Variants in CBFB observed in about 807,000 individuals in gnomAD.
CBFB encodes CBF-beta.
CBFB carries 9 observed loss-of-function variants against 30.4 expected under a neutral mutation model. That is an observed-to-expected ratio of 0.30 (90% CI 0.18 to 0.52). The LOEUF (loss-of-function observed/expected upper bound fraction) is 0.52. CBFB is among the 20% of genes least tolerant of loss of function. The probability of loss-of-function intolerance (pLI) is 0.97; values close to 1 mark genes in which losing one functional copy is unlikely to be tolerated. For synonymous variants in CBFB, 94 were observed against 84.0 expected, an observed-to-expected ratio of 1.12 and a Z score of -0.65; for missense variants, 170 against 244.0, an observed-to-expected ratio of 0.70 and a Z score of 2.02.
intron 5 of CBFB, among the ~76,000 whole-genome samples, chr16:67,085,851 G>A (rs545119736): frequency 6.6e-6 from 1 of 150,528 alleles, no homozygotes; most frequent in Non-Finnish European, 1.5e-5. Context: ...CTAATTTTTT[G>A]TATTTTTTAG....
intron 4 of CBFB, among the ~76,000 whole-genome samples, chr16:67,079,467 C>T (rs1961494718): frequency 6.6e-6 from 1 of 150,394 alleles, no homozygotes; most frequent in Non-Finnish European, 1.5e-5. Flanking sequence ...GTACACAGTC[C>T]AGGCCTGGTA....
intron 3 of CBFB, among the ~76,000 whole-genome samples, chr16:67,058,290 G>A (rs946515690): frequency 3.3e-5 from 5 of 152,028 alleles, no homozygotes; most frequent in Non-Finnish European, 4.4e-5. Context: ...ACAGTTGTGC[G>A]CCACCATGTC....
At chr16:67,062,181 T>C (rs1364722284) in intron 3 of CBFB, among the ~76,000 whole-genome samples, 1 of 151,900 alleles carries the variant, frequency 6.6e-6, no homozygotes, top group African/African-American at 2.4e-5. Context: ...AAATTTTTTT[T>C]TTTTGAGACA....
intron 5 of CBFB, among the ~76,000 whole-genome samples, chr16:67,098,447 T>C (rs1316010404): frequency 6.6e-6 from 1 of 152,218 alleles, no homozygotes; most frequent in Non-Finnish European, 1.5e-5. Flanking sequence ...CTAGATTTGT[T>C]GTTATTTCTT....
At chr16:67,065,566 T>C (rs560908443) in intron 3 of CBFB, among the ~76,000 whole-genome samples, 2 of 152,234 alleles carry the variant, frequency 1.3e-5, no homozygotes, top group Non-Finnish European at 2.9e-5. Context: ...TTTTTAGAGG[T>C]GAGGTCTCTC....
rs148833321 is a variant in CBFB, at chr16:67,063,994, G to C, written c.283-2688G>C. ...CCAGATTTTAGCTCACAAAGCACTGGATTTCCCAAAGGAAATACATTTGGT... is the reference window on the plus strand; with the variant it reads ...CCAGATTTTAGCTCACAAAGCACTGCATTTCCCAAAGGAAATACATTTGGT... On this transcript the variant is annotated intron_variant, in intron 3 of 5. Coordinates refer to ENST00000412916, the MANE Select transcript of CBFB (RefSeq NM_022845.3). Among the ~76,000 whole-genome samples, 4 of 152,206 alleles carry C rather than the reference G, an allele frequency of 2.6e-5. No individual in the cohort carries two copies. In the East Asian group the frequency reaches 7.7e-4, roughly 29 times the overall value.
At chr16:67,070,532 C>A (rs1341715358) in intron 4 of CBFB, among the ~76,000 whole-genome samples, 1 of 152,036 alleles carries the variant, frequency 6.6e-6, no homozygotes, top group Non-Finnish European at 1.5e-5. Context: ...AAGGAAAATT[C>A]AGATTGGATT....
chr16:67,056,488 GAT>G (rs1380226720), intron 3 of CBFB, among the ~76,000 whole-genome samples: 2 of 152,308 alleles, frequency 1.3e-5, no homozygotes, highest in African/African-American at 4.8e-5. Context: ...ATGTAGATTT[GAT>G]AGAGTATAAC....
rs369708538 is a variant in CBFB, at chr16:67,098,114, TTTTGTTTGTTTG to T, written c.496-572_496-561del. 7.4e-4 allele frequency among the ~76,000 whole-genome samples: 112 copies of T among 150,612 alleles called. 1 individual carries two copies. Among genetic ancestry groups the T allele is most frequent in the Middle Eastern group, 6.8e-3 (2 of 292 alleles). On this transcript the variant is annotated intron_variant, in intron 5 of 5. Transcript: ENST00000412916. ...GTAAATATAGATTTGTTGTGGGGTTTTTTGTTTGTTTGTTTGTTTGTTTGTTTGTTTGTTTTT... is the reference window on the plus strand; with the variant it reads ...GTAAATATAGATTTGTTGTGGGGTTTTTTGTTTGTTTGTTTGTTTGTTTTT...
intron 5 of CBFB, among the ~76,000 whole-genome samples, chr16:67,083,199 C>T (rs1290977291): frequency 1.3e-5 from 2 of 152,158 alleles, no homozygotes; most frequent in Admixed American, 6.5e-5. Context: ...ATAAATAATA[C>T]ATAAATAAAC....
chr16:67,046,141 C>A (rs1966623724), intron 3 of CBFB, among the ~76,000 whole-genome samples: 1 of 151,930 alleles, frequency 6.6e-6, no homozygotes, highest in Admixed American at 6.6e-5. Context: ...AGATATCTCT[C>A]TGTCACCCAG....
At chr16:67,047,126 A>G (rs1966640765) in intron 3 of CBFB, among the ~76,000 whole-genome samples, 2 of 151,896 alleles carry the variant, frequency 1.3e-5, no homozygotes, top group Admixed American at 6.6e-5. Flanking sequence ...CTTGGCCAAC[A>G]TAGTGAAACC....
intron 4 of CBFB, among the ~76,000 whole-genome samples, chr16:67,068,204 C>T (rs994351020): frequency 4.6e-5 from 7 of 152,158 alleles, no homozygotes; most frequent in South Asian, 2.1e-4. Context: ...GACAGCTGTG[C>T]GCAGTGGCTC....
chr16:67,048,025 C>G (rs1427858661), intron 3 of CBFB, among the ~76,000 whole-genome samples: 2 of 152,026 alleles, frequency 1.3e-5, no homozygotes, highest in South Asian at 4.2e-4. Flanking sequence ...GCCAAGATCG[C>G]GCCACTGCAC....
At chr16:67,065,259 C>T (rs1326045063) in intron 3 of CBFB, among the ~76,000 whole-genome samples, 1 of 152,202 alleles carries the variant, frequency 6.6e-6, no homozygotes, top group Non-Finnish European at 1.5e-5. Flanking sequence ...CTTTTGGTTT[C>T]AGGAATCTTG....
At chr16:67,088,160 C>T (rs1597159787) in intron 5 of CBFB, among the ~76,000 whole-genome samples, 2 of 152,294 alleles carry the variant, frequency 1.3e-5, no homozygotes, top group South Asian at 2.1e-4. Flanking sequence ...CTGACTCCAG[C>T]ACATGCACTG....
intron 2 of CBFB, among the ~76,000 whole-genome samples, chr16:67,030,608 C>T (rs1966322583): frequency 6.6e-6 from 1 of 152,056 alleles, no homozygotes; most frequent in African/African-American, 2.4e-5. Context: ...TTGATTATTA[C>T]TATTTTTTTG....
chr16:67,092,696 ATCTTTTTTTTTTT>A (rs1247044974), intron 5 of CBFB, among the ~76,000 whole-genome samples: 14 of 94,686 alleles, frequency 1.5e-4, no homozygotes, highest in African/African-American at 5.7e-4. Flanking sequence ...CAGTGGTGCA[ATCTTTTTTTTTTT>A]TTTTTTTTTT....
At chr16:67,054,826 C>T (rs1308696388) in intron 3 of CBFB, among the ~76,000 whole-genome samples, 1 of 152,182 alleles carries the variant, frequency 6.6e-6, no homozygotes, top group African/African-American at 2.4e-5. Flanking sequence ...GATCTCGCCT[C>T]ACTGCAAGCT....
Sources: allele counts gnomAD v4.1 joint callset (sites outside exome capture counted in the v4.1 genomes callset), GRCh38; gene constraint gnomAD v4.1.1; transcripts MANE v1.5; gene names NCBI Gene and HGNC (gene_info 2026-07-23, HGNC 2026-07-21).